The following ELN variants were observed in gnomAD, a reference collection of about 807,000 sequenced individuals.
ELN encodes the protein elastin, also known as tropoelastin.
A neutral mutation model predicts 105.8 loss-of-function variants in ELN; 65 were observed. The ratio of observed to expected loss-of-function variants is 0.61; its 90% CI spans 0.50 to 0.75. The LOEUF is 0.75. Among genes scored for constraint, ELN ranks in the 30% least tolerant of loss-of-function variants. The pLI is 0.00. For missense variants in ELN, 882 were observed against 969.4 expected (o/e 0.91, Z 1.20); for synonymous variants, 368 against 389.2 (o/e 0.95, Z 0.64).
Position 74,065,708 on chromosome 7 carries a change from G to A in ELN, c.2008G>A (p.Ala670Thr). The change falls in exon 30 of 33, where the codon GCA becomes ACA. Residue 670 changes from alanine (A) to threonine (T), a missense_variant. Transcript: ENST00000252034. ...CATCTCCCCAGGTATACCTCCAGCT[G>A]CAGCCGCTAAAGCAGCTAAATACGG... is the stretch of plus-strand genomic sequence containing the variant. ...VGGLGGIPPA[A>T]AAKAAKYGAA... 1.9e-6 allele frequency: 3 copies of A among 1,613,592 alleles called. No homozygotes were observed. The highest frequency in any genetic ancestry group is 2.2e-5 in the South Asian group (2 of 91,058).
chr7:74,050,600 C>A (rs966488317), intron 15 of ELN, among the ~76,000 whole-genome samples: 4 of 148,076 alleles, frequency 2.7e-5, no homozygotes, highest in African/African-American at 9.9e-5. Context: ...CATCCATTCA[C>A]CCATGCATTC....
At chr7:74,029,215 T>A (rs1015506960) in intron 1 of ELN, among the ~76,000 whole-genome samples, 1 of 151,964 alleles carries the variant, frequency 6.6e-6, no homozygotes, top group Non-Finnish European at 1.5e-5. Context: ...TGTGTGTGAA[T>A]GTGTGTGCGA....
At chr7:74,052,155 G>T (rs1414771680) in intron 17 of ELN, 172 bp downstream of exon 17, 4 of 752,888 alleles carry the variant, frequency 5.3e-6, no homozygotes, top group Non-Finnish European at 8.6e-6. Context: ...CATCTCTATT[G>T]TTTTGCCCTG....
intron 21 of ELN, 38 bp from the exon 22 acceptor site, chr7:74,057,602 A>G: frequency 6.2e-7 from 1 of 1,612,378 alleles, no homozygotes; most frequent in South Asian, 1.1e-5. Flanking sequence ...GAGGGGTGTG[A>G]GAGATTACTC....
At chr7:74,058,112 C>G (rs1316762021) in intron 22 of ELN, among the ~76,000 whole-genome samples, 1 of 150,946 alleles carries the variant, frequency 6.6e-6, no homozygotes, top group Admixed American at 6.6e-5. Flanking sequence ...CCCTCCTCCT[C>G]CTTCTCATTC....
intron 4 of ELN, among the ~76,000 whole-genome samples, chr7:74,040,722 G>A (rs193265781): frequency 1.2e-4 from 18 of 152,282 alleles, no homozygotes; most frequent in South Asian, 4.1e-4. Context: ...CCCATTTGGC[G>A]TCTCATAAAC....
At chr7:74,041,866 A>C (rs1031730239) in intron 5 of ELN, among the ~76,000 whole-genome samples, 1 of 152,002 alleles carries the variant, frequency 6.6e-6, no homozygotes, top group Non-Finnish European at 1.5e-5. Flanking sequence ...CAGCCTCCCA[A>C]ATAGCTGGAA....
At chr7:74,049,181 A>G (rs1407754594) in intron 15 of ELN, among the ~76,000 whole-genome samples, 1 of 147,636 alleles carries the variant, frequency 6.8e-6, no homozygotes, top group Non-Finnish European at 1.5e-5. Context: ...TCATCCATCT[A>G]TCCATTCATC....
At chr7:74,064,244 T>C (rs34325713) in intron 29 of ELN, among the ~76,000 whole-genome samples, 3,512 of 139,500 alleles carry the variant, frequency 0.025, 51 homozygotes, top group Non-Finnish European at 0.039. Flanking sequence ...TGAAACCCCG[T>C]CTCTACTAAA....
chr7:74,049,896 T>C (rs1335947600), intron 15 of ELN, among the ~76,000 whole-genome samples: 9 of 126,360 alleles, frequency 7.1e-5, no homozygotes, highest in African/African-American at 2.8e-4. Context: ...ACTCAATCCA[T>C]CCATCCATCC....
intron 1 of ELN, among the ~76,000 whole-genome samples, chr7:74,029,394 GGCT>G (rs1288905013): frequency 2.0e-5 from 3 of 152,136 alleles, no homozygotes; most frequent in Non-Finnish European, 4.4e-5. Flanking sequence ...TGCCCTGTGG[GGCT>G]GCTATGCCGC....
intron 10 of ELN, 87 bp from the exon 11 acceptor site, chr7:74,046,101 C>T: frequency 1.9e-6 from 3 of 1,575,410 alleles, no homozygotes; most frequent in African/African-American, 2.7e-5. Flanking sequence ...AAGAACTGGC[C>T]ATTCCTTGGG....
chr7:74,053,006 C>T, intron 17 of ELN, 157 bp from the exon 18 acceptor site: 1 of 1,067,012 alleles, frequency 9.4e-7, no homozygotes, highest in Non-Finnish European at 1.4e-6. Context: ...TTAGTCTCTC[C>T]ACATCTCTCT....
In ELN at chr7:74,056,527, CG is replaced by C. The variant is rs1795268864; in HGVS notation, c.1315+95del. On this transcript the variant is annotated intron_variant, in intron 20 of 32. Transcript: ENST00000252034. The stretch of plus-strand genomic sequence containing the variant: ...TGCAGGGGCAGTGGGGACTGTAGAT[CG>C]GGCTTGAATGTGCTCAGGGAGGAGT... 5.6e-6 allele frequency: 9 copies of C among 1,604,574 alleles called. No homozygotes were observed. The South Asian group carries it at 7.7e-5, about 14-fold the overall frequency.
intron 15 of ELN, 110 bp from the exon 16 acceptor site, chr7:74,051,640 C>G (rs1794059096): frequency 3.1e-6 from 4 of 1,278,534 alleles, no homozygotes; most frequent in Non-Finnish European, 4.4e-6. Flanking sequence ...ACCCGGGCCC[C>G]ATTCCTGGAT....
At chr7:74,047,989 C>T (rs1792965677) in intron 13 of ELN, among the ~76,000 whole-genome samples, 153 bp from the exon 14 acceptor site, 1 of 152,186 alleles carries the variant, frequency 6.6e-6, no homozygotes, top group Admixed American at 6.5e-5. Context: ...GACATAACAA[C>T]TCCATACATG....
At position 74,057,448 on chromosome 7, in the gene ELN, C is replaced by T. The variant is rs185060213; in HGVS notation, c.1358-192C>T. The T allele has an allele frequency of 3.4e-5, 53 of 1,538,164 alleles. No individual in the cohort carries two copies. Among genetic ancestry groups the T allele is most frequent in the Admixed American group, 2.2e-4 (11 of 50,968 alleles). On this transcript the variant is annotated intron_variant, in intron 21 of 32. Transcript: ENST00000252034. ...GCCCCAGGCGCAGTCCCAGGTGTGC[C>T]GGGCACGGGAGGAGTGCCAGGTGAG...
chr7:74,065,574 A>G lies in ELN; in HGVS notation c.1994-120A>G. 4.1e-6 allele frequency: 5 copies of G among 1,219,462 alleles called. No homozygotes were observed. In the Admixed American group the frequency reaches 6.2e-5, roughly 15 times the overall value. The allele number at this position is 1,219,462 out of a possible 1,614,324, so 75.5% of individuals were successfully genotyped here. A position where few individuals can be genotyped will look rare whatever the true frequency, so the allele number is the denominator to read the frequency against. On this transcript the variant is annotated intron_variant, in intron 29 of 32. Transcript: ENST00000252034. ...GGTTGCAGTGAGCCGGGATCGCGCC[A>G]CTGCACTCCAGCCCAGGCGAAGGAG...
chr7:74,043,216 A>G, intron 8 of ELN, 48 bp downstream of exon 8: 1 of 1,557,738 alleles, frequency 6.4e-7, no homozygotes. Context: ...AGGGAGGGGC[A>G]GAGGGCAGGG....
Sources: gnomAD v4.1 joint callset for allele counts (sites outside exome capture counted in the v4.1 genomes callset) on GRCh38, gnomAD v4.1.1 for gene constraint, MANE v1.5 for transcripts, NCBI Gene and HGNC (gene_info 2026-07-23, HGNC 2026-07-21) for gene names.